Variants in SQOR observed in about 807,000 individuals in gnomAD.
SQOR encodes sulfide quinone oxidoreductase.
In SQOR, 39 loss-of-function variants were observed where a neutral mutation model predicts 48.6. That is an observed-to-expected ratio of 0.80 (90% CI 0.62 to 1.05). The LOEUF is 1.05. Ranked by LOEUF, SQOR falls within the 50% of genes least tolerant of loss-of-function variation. SQOR has a pLI of 0.00. For missense variants in SQOR, 561 were observed against 559.9 expected (o/e 1.00, Z -0.02); for synonymous variants, 220 against 206.2 (o/e 1.07, Z -0.57).
chr15:45,661,833 T>C, intron 2 of SQOR, 122 bp from the exon 3 acceptor site: 1 of 1,051,550 alleles, frequency 9.5e-7, no homozygotes, highest in Non-Finnish European at 1.3e-6. Context: ...GTGGAGACTT[T>C]TCCATACGAT....
At chr15:45,635,903 T>C (rs1368621919) in intron 1 of SQOR, among the ~76,000 whole-genome samples, 2 of 152,150 alleles carry the variant, frequency 1.3e-5, no homozygotes, top group Non-Finnish European at 2.9e-5. Context: ...TGGCGCGATC[T>C]CGGCTCACTG....
chr15:45,639,735 G>T (rs914897780), intron 1 of SQOR, among the ~76,000 whole-genome samples: 9 of 152,214 alleles, frequency 5.9e-5, no homozygotes, highest in Admixed American at 2.0e-4. Context: ...TCAAGACAGT[G>T]CTGGGTCTAG....
At position 45,663,775 on chromosome 15, in the gene SQOR, TA is replaced by T. The variant is rs112638999; in HGVS notation, c.405+1658del. Among the ~76,000 whole-genome samples, 342 of 151,704 alleles carry T rather than the reference TA, an allele frequency of 2.3e-3. 1 individual carries two copies. The highest frequency in any genetic ancestry group is 7.2e-3 in the African/African-American group (299 of 41,358). On this transcript the variant is annotated intron_variant, in intron 3 of 9. Coordinates refer to ENST00000260324, the MANE Select transcript of SQOR (RefSeq NM_021199.4). ...GAGCTGTCTCCAAAAAATAAAAAAA[TA>T]AAAAAAACACAAAAAGAAAAAAAGA...
chr15:45,671,817 C>T (rs897591268), intron 4 of SQOR, among the ~76,000 whole-genome samples: 3 of 152,156 alleles, frequency 2.0e-5, no homozygotes, highest in African/African-American at 7.2e-5. Flanking sequence ...TCCTGCCTGC[C>T]GGTCTACTCT....
chr15:45,681,894 C>A lies in SQOR; in HGVS notation c.865-584C>A, dbSNP rs569192765. 2.0e-5 allele frequency among the ~76,000 whole-genome samples: 3 copies of A among 152,320 alleles called. No homozygotes were observed. In the East Asian group the frequency reaches 5.8e-4, roughly 29 times the overall value. The stretch of plus-strand genomic sequence containing the variant: ...ATCCAGTACTGAATCAGACCCCTTG[C>A]TCCTTTTCCAAAGTGCTAGCTAATA... On this transcript the variant is annotated intron_variant, in intron 6 of 9. Coordinates refer to ENST00000260324, the MANE Select transcript of SQOR (RefSeq NM_021199.4).
Position 45,688,333 on chromosome 15 carries a change from A to G in SQOR, c.1049-4A>G. ...TTTTTCTGACTTTCCCATTTCTCTT[A>G]TAGCTGCCCAGTCAGGAATACTTGA... On this transcript the variant is annotated splice_polypyrimidine_tract_variant and splice_region_variant and intron_variant, in intron 7 of 9. Transcript: ENST00000260324. The G allele has an allele frequency of 1.3e-6, 2 of 1,591,440 alleles. No homozygotes were observed. The highest frequency in any genetic ancestry group is 8.5e-7 in the Non-Finnish European group (1 of 1,172,540).
In SQOR at chr15:45,648,240, C is replaced by T. The variant is rs530078177; in HGVS notation, c.-17-10667C>T. Among the ~76,000 whole-genome samples the T allele has an allele frequency of 2.6e-5, 4 of 151,792 alleles. No homozygotes were observed. In the South Asian group the frequency reaches 6.2e-4, roughly 24 times the overall value. On this transcript the variant is annotated intron_variant, in intron 1 of 9. Coordinates refer to ENST00000260324, the MANE Select transcript of SQOR (RefSeq NM_021199.4). ...GTCACCAGGCTGGAGTGCAGTGGCA[C>T]GATCTTGGCTCACTGCAACCTCCGC... is the stretch of plus-strand genomic sequence containing the variant.
intron 1 of SQOR, among the ~76,000 whole-genome samples, chr15:45,658,024 A>C (rs759368446): frequency 6.6e-6 from 1 of 152,126 alleles, no homozygotes; most frequent in Non-Finnish European, 1.5e-5. Context: ...AGTCTTTGAG[A>C]AGCCTTAATT....
At chr15:45,644,133 G>A (rs1038634011) in intron 1 of SQOR, among the ~76,000 whole-genome samples, 4 of 152,022 alleles carry the variant, frequency 2.6e-5, no homozygotes, top group Admixed American at 6.6e-5. Flanking sequence ...TTGTGCCCAG[G>A]CTGGAGTGCA....
At position 45,661,289 on chromosome 15, in the gene SQOR, T is replaced by TAGACAAA. The variant is rs777334925; in HGVS notation, c.235-666_235-665insAGACAAA. 3.6e-5 allele frequency among the ~76,000 whole-genome samples: 3 copies of TAGACAAA among 84,376 alleles called. No individual in the cohort carries two copies. In the East Asian group the frequency reaches 1.2e-3, roughly 32 times the overall value. 55.4% of individuals were successfully genotyped at this position (84,376 alleles called of 152,430 possible). ...TGGGGTGATTGGGCGAGACTCTGTCTTAAAAAAAAAAAAAAAAAAAAAAAA... is the reference window on the plus strand; with the variant it reads ...TGGGGTGATTGGGCGAGACTCTGTCTAGACAAATAAAAAAAAAAAAAAAAAAAAAAAA... On this transcript the variant is annotated intron_variant, in intron 2 of 9. Coordinates refer to ENST00000260324, the MANE Select transcript of SQOR (RefSeq NM_021199.4).
chr15:45,634,964 T>C (rs1057111420), upstream of SQOR: 9 of 152,302 alleles, frequency 5.9e-5, no homozygotes, highest in African/African-American at 2.2e-4. Context: ...TCGGGACCTT[T>C]CCTGGGGGGA....
At chr15:45,672,413 A>G (rs1481143207) in intron 4 of SQOR, among the ~76,000 whole-genome samples, 2 of 152,176 alleles carry the variant, frequency 1.3e-5, no homozygotes, top group Admixed American at 1.3e-4. Flanking sequence ...TGTTACTACT[A>G]TCTAACTGTA....
chr15:45,675,539 C>T (rs1004250712), intron 5 of SQOR, among the ~76,000 whole-genome samples: 15 of 152,014 alleles, frequency 9.9e-5, no homozygotes, highest in African/African-American at 3.1e-4. Context: ...GGATTACAGG[C>T]GCCTGTCACC....
chr15:45,653,185 C>T lies in SQOR; in HGVS notation c.-17-5722C>T, dbSNP rs535960405. ...TCAATTCAATTGTGGCATTAGCTCC[C>T]GGAGTTAGTGGAGGCCCCGTAGTTT... On this transcript the variant is annotated intron_variant, in intron 1 of 9. Transcript: ENST00000260324. Among the ~76,000 whole-genome samples the T allele has an allele frequency of 3.9e-5, 6 of 152,288 alleles. No individual in the cohort carries two copies. In the South Asian group the frequency reaches 6.2e-4, roughly 16 times the overall value.
At chr15:45,669,806 A>G (rs1889906035) in intron 3 of SQOR, 122 bp from the exon 4 acceptor site, 2 of 818,332 alleles carry the variant, frequency 2.4e-6, no homozygotes, top group South Asian at 1.5e-5. Context: ...CATCTGTTCT[A>G]TGGGCTAATA....
At chr15:45,637,494 G>A (rs1290157017) in intron 1 of SQOR, among the ~76,000 whole-genome samples, 1 of 152,142 alleles carries the variant, frequency 6.6e-6, no homozygotes, top group African/African-American at 2.4e-5. Context: ...GGTCAGAAAG[G>A]GTTGCTTGTG....
At chr15:45,675,546 C>T (rs960310406) in intron 5 of SQOR, among the ~76,000 whole-genome samples, 18 of 152,044 alleles carry the variant, frequency 1.2e-4, no homozygotes, top group Non-Finnish European at 1.0e-4. Context: ...AGGCGCCTGT[C>T]ACCATGCCCA....
intron 3 of SQOR, among the ~76,000 whole-genome samples, chr15:45,666,157 T>C (rs929587694): frequency 3.9e-5 from 6 of 152,236 alleles, no homozygotes; most frequent in African/African-American, 1.4e-4. Context: ...TTGCACATGC[T>C]GCTTCCACCT....
chr15:45,652,638 CTTTTTTTTTTTTT>C (rs757986564), intron 1 of SQOR, among the ~76,000 whole-genome samples: 1 of 60,302 alleles, frequency 1.7e-5, no homozygotes, highest in Non-Finnish European at 2.9e-5. Flanking sequence ...CGTGAGCCTC[CTTTTTTTTTTTTT>C]TTTTTTTTTT....
Sources: allele counts gnomAD v4.1 joint callset (sites outside exome capture counted in the v4.1 genomes callset), GRCh38; gene constraint gnomAD v4.1.1; transcripts MANE v1.5; gene names NCBI Gene and HGNC (gene_info 2026-07-23, HGNC 2026-07-21).